CYP1A1: variants seen among roughly 807,000 people sequenced by gnomAD.
CYP1A1 encodes cytochrome P450 family 1 subfamily A member 1.
A neutral mutation model predicts 33.6 loss-of-function variants in CYP1A1; 43 were observed. That is an observed-to-expected ratio of 1.28 (90% confidence interval 1.00 to 1.65). CYP1A1 has a LOEUF of 1.65. CYP1A1 is among the 40% of genes most tolerant of loss of function. The pLI, the probability that CYP1A1 is intolerant of heterozygous loss-of-function variation, is 0.00. For synonymous variants in CYP1A1, 280 were observed against 257.8 expected (o/e 1.09, Z -0.83); for missense variants, 637 against 653.7 (o/e 0.97, Z 0.28).
At position 74,720,614 on chromosome 15, in the gene CYP1A1, C is replaced by CAA. The variant is rs759921335; in HGVS notation, c.1413_1414insTT (p.Ala472LeufsTer16). ...AATTCCACCCGTTGCAGCAGGATAG[C>CAA]CAGGAAGAGAAAGACCTCCCAGCGG... On this transcript the variant is annotated frameshift_variant, in exon 7 of 7. Transcript: ENST00000379727. LOFTEE classifies it high-confidence loss of function. 1.9e-6 allele frequency: 3 copies of CAA among 1,614,134 alleles called. No homozygotes were observed. The highest frequency in any genetic ancestry group is 1.6e-4 in the Middle Eastern group (1 of 6,062).
Position 74,720,705 on chromosome 15 carries a change from C to CT in CYP1A1, c.1322dup (p.Val442GlyfsTer4). On this transcript the variant is annotated frameshift_variant, in exon 7 of 7. Coordinates refer to ENST00000379727, the MANE Select transcript of CYP1A1 (RefSeq NM_001319217.2). LOFTEE classifies it high-confidence loss of function. ...AGATAATCACCTTCTCACTTAACAC[C>CT]TTGTCGATAGCACCATCAGGGGTGA... The CT allele has an allele frequency of 6.2e-7, 1 of 1,614,170 alleles. No homozygotes were observed. The highest frequency in any genetic ancestry group is 8.5e-7 in the Non-Finnish European group (1 of 1,180,024).
rs769584428 is a variant in CYP1A1, at chr15:74,720,958, T to C, written c.1253+9A>G. 6.2e-7 allele frequency: 1 copy of C among 1,613,876 alleles called. No homozygotes were observed. Among genetic ancestry groups the C allele is most frequent in the Non-Finnish European group, 8.5e-7 (1 of 1,179,770 alleles). ...GGACCCAGCCTTTCCTCTGCATCTCTGAACTTACTGGTCATGGTTGATCTG... is the reference window on the plus strand; with the variant it reads ...GGACCCAGCCTTTCCTCTGCATCTCCGAACTTACTGGTCATGGTTGATCTG... On this transcript the variant is annotated intron_variant, in intron 6 of 6. Transcript: ENST00000379727.
rs954144392 is a variant in CYP1A1, at chr15:74,721,402, G to C, written c.1042+12C>G. ...CCTGGCACTGACCCCTTTGAAGGGA[G>C]CCACTACCTACCTAGCTCCTCTTGG... On this transcript the variant is annotated intron_variant, in intron 4 of 6. Transcript: ENST00000379727. 6.2e-7 allele frequency: 1 copy of C among 1,614,070 alleles called. No homozygotes were observed. The highest frequency in any genetic ancestry group is 8.5e-7 in the Non-Finnish European group (1 of 1,180,028).
At position 74,722,655 on chromosome 15, in the gene CYP1A1, G is replaced by A. The variant is rs749960160; in HGVS notation, c.443C>T (p.Ala148Val). Residue 148 changes from alanine to valine, a missense_variant, in exon 2 of 7, where the codon GCC becomes GTC. Physicochemically the swap from Ala to Val is moderately conservative, Grantham distance 64. Transcript: ENST00000379727. Reference sequence around the variant, plus strand: ...GGAGGTTGAGGAGGCTGGGTCAGAGGCAATGGAGAAACTTTTCAGGCCATT... The same window carrying A: ...GGAGGTTGAGGAGGCTGGGTCAGAGACAATGGAGAAACTTTTCAGGCCATT... ...AQNGLKSFSIASDPASSTSCY... is the reference protein window; with the variant it reads ...AQNGLKSFSIVSDPASSTSCY... The A allele has an allele frequency of 4.3e-6, 7 of 1,613,830 alleles. No homozygotes were observed. Among genetic ancestry groups the A allele is most frequent in the Non-Finnish European group, 5.9e-6 (7 of 1,180,038 alleles).
At chr15:74,725,141 C>A (rs888288896) in intron 1 of CYP1A1, 3 of 152,726 alleles carry the variant, frequency 2.0e-5, no homozygotes, top group African/African-American at 7.2e-5. Context: ...GGGGAAGCCC[C>A]AGGGTAGGCA....
intron 2 of CYP1A1, 27 bp from the exon 3 acceptor site, chr15:74,721,744 G>A: frequency 6.2e-7 from 1 of 1,610,560 alleles, no homozygotes; most frequent in Non-Finnish European, 8.5e-7. Context: ...CCACAGGTGA[G>A]CAAGATCTCA....
In CYP1A1 at chr15:74,722,799, C is replaced by A. The variant is rs764534349; in HGVS notation, c.299G>T (p.Gly100Val). Reference protein sequence around the residue: ...DTIRQALVRQGDDFKGRPDLY... With the variant: ...DTIRQALVRQVDDFKGRPDLY... The stretch of plus-strand genomic sequence containing the variant: ...GTCGGGCCGGCCCTTGAAATCATCG[C>A]CCTGCCGCACCAGGGCCTGCCGGAT... The change falls in exon 2 of 7, where the codon GGC (glycine) becomes GTC (valine). Residue 100 changes from glycine to valine, a missense_variant. Coordinates refer to ENST00000379727, the MANE Select transcript of CYP1A1 (RefSeq NM_001319217.2). The A allele has an allele frequency of 1.3e-6, 2 of 1,561,966 alleles. No individual in the cohort carries two copies. The highest frequency in any genetic ancestry group is 1.7e-6 in the Non-Finnish European group (2 of 1,153,276).
rs758445411 is a variant in CYP1A1 at position 74,720,709 on chromosome 15, T to A, written c.1319A>T (p.Asp440Val). ...ERFLTPDGAI[D>V]KVLSEKVIIF... is the part of the protein sequence containing the mutation. ...AATCACCTTCTCACTTAACACCTTG[T>A]CGATAGCACCATCAGGGGTGAGAAA... The change falls in exon 7 of 7, where the codon GAC (aspartate) becomes GTC (valine). Residue 440 changes from aspartate to valine, a missense_variant. Physicochemically the swap from Asp to Val is radical, Grantham distance 152. Coordinates refer to ENST00000379727, the MANE Select transcript of CYP1A1 (RefSeq NM_001319217.2). The A allele has an allele frequency of 1.3e-5, 21 of 1,614,004 alleles. No homozygotes were observed. The highest frequency in any genetic ancestry group is 1.6e-4 in the Middle Eastern group (1 of 6,084).
rs777246027 is a variant in CYP1A1 at position 74,720,469 on chromosome 15, G to T, written c.*20C>A. The T allele has an allele frequency of 1.9e-6, 3 of 1,540,112 alleles. No homozygotes were observed. Among genetic ancestry groups the T allele is most frequent in the Non-Finnish European group, 2.6e-6 (3 of 1,144,858 alleles). ...ACCAGACCAGGTAGACAGAGTCTAG[G>T]CCTCAGGGCTCTCAAGCACCTAAGA... On this transcript the variant is annotated 3_prime_UTR_variant, in exon 7 of 7. Coordinates refer to ENST00000379727, the MANE Select transcript of CYP1A1 (RefSeq NM_001319217.2).
chr15:74,723,119 G>A lies in CYP1A1; in HGVS notation c.-22C>T. 1.3e-6 allele frequency: 2 copies of A among 1,515,130 alleles called. No individual in the cohort carries two copies. The highest frequency in any genetic ancestry group is 1.8e-6 in the Non-Finnish European group (2 of 1,129,048). 93.9% of individuals were successfully genotyped at this position (1,515,130 alleles called of 1,614,324 possible). ...GCATGATCAGTGTAGGGATCTTGGA[G>A]GTGGCTGCTGAGAGAAGGTGCAGGA... On this transcript the variant is annotated 5_prime_UTR_variant, in exon 2 of 7. Transcript: ENST00000379727.
Position 74,721,702 on chromosome 15 carries a change from T to C in CYP1A1, c.841A>G (p.Ile281Val), listed in dbSNP as rs750037230. Residue 281 changes from isoleucine to valine, a missense_variant, in exon 3 of 7, where the codon ATC becomes GTC. Ile to Val is a conservative substitution (Grantham distance 29). Transcript: ENST00000379727. ...KTFEKGHIRD[I>V]TDSLIEHCQE... ...CAGTGCTCAATCAGGCTGTCTGTGA[T>C]GTCCCGGATGTGGCCCTTAGGTAGG... is the stretch of plus-strand genomic sequence containing the variant. 108 of 1,613,960 alleles carry C rather than the reference T, an allele frequency of 6.7e-5. No homozygotes were observed. The highest frequency in any genetic ancestry group is 8.1e-5 in the Non-Finnish European group (96 of 1,180,006).
chr15:74,722,482 G>A lies in CYP1A1; in HGVS notation c.616C>T (p.Arg206Cys), dbSNP rs200600221. The A allele has an allele frequency of 3.9e-5, 63 of 1,613,886 alleles. No homozygotes were observed. Among genetic ancestry groups the A allele is most frequent in the Middle Eastern group, 1.6e-4 (1 of 6,082 alleles). The change falls in exon 2 of 7, where the codon CGC becomes TGC. Residue 206 changes from arginine to cysteine, a missense_variant. Transcript: ENST00000379727. The part of the protein sequence containing the change: ...NVICAICFGR[R>C]YDHNHQELLS... Reference sequence around the variant, plus strand: ...AGTTCTTGGTGGTTGTGGTCATAGCGCCGGCCAAAGCAAATGGCACAGATG... The same window carrying A: ...AGTTCTTGGTGGTTGTGGTCATAGCACCGGCCAAAGCAAATGGCACAGATG...
In CYP1A1 at chr15:74,720,393, T is replaced by C. The variant is rs975404776; in HGVS notation, c.*96A>G. ...TGCAGCCAGATCAGTGTCTATGAGT[T>C]TCAGGCTGAACCTTAGACCACATAG... On this transcript the variant is annotated 3_prime_UTR_variant, in exon 7 of 7. Transcript: ENST00000379727. 2.1e-5 allele frequency: 29 copies of C among 1,368,124 alleles called. No individual in the cohort carries two copies. The highest frequency in any genetic ancestry group is 2.6e-5 in the Non-Finnish European group (26 of 1,011,834). The allele number at this position is 1,368,124 out of a possible 1,614,324, so 84.7% of individuals were successfully genotyped here.
Position 74,723,110 on chromosome 15 carries a change from G to T in CYP1A1, c.-13C>A. The stretch of plus-strand genomic sequence containing the variant: ...TTGGGAAAAGCATGATCAGTGTAGG[G>T]ATCTTGGAGGTGGCTGCTGAGAGAA... On this transcript the variant is annotated 5_prime_UTR_variant, in exon 2 of 7. Transcript: ENST00000379727. 1 of 1,529,848 alleles carries T rather than the reference G, an allele frequency of 6.5e-7. No individual in the cohort carries two copies. Among genetic ancestry groups the T allele is most frequent in the Non-Finnish European group, 8.8e-7 (1 of 1,137,796 alleles). The allele number at this position is 1,529,848 out of a possible 1,614,324, so 94.8% of individuals were successfully genotyped here.
chr15:74,723,640 C>G (rs1335388882), intron 1 of CYP1A1, among the ~76,000 whole-genome samples: 1 of 152,144 alleles, frequency 6.6e-6, no homozygotes, highest in Non-Finnish European at 1.5e-5. Flanking sequence ...AAAATAAACA[C>G]ATAATCAAGG....
In CYP1A1 at chr15:74,721,711, T is replaced by C; in HGVS notation, c.832A>G (p.Ile278Val). ...ATCAGGCTGTCTGTGATGTCCCGGATGTGGCCCTTAGGTAGGGAAAGTCCA... is the reference window on the plus strand; with the variant it reads ...ATCAGGCTGTCTGTGATGTCCCGGACGTGGCCCTTAGGTAGGGAAAGTCCA... ...EHYKTFEKGH[I>V]RDITDSLIEH... The change falls in exon 3 of 7, where the codon ATC (isoleucine) becomes GTC (valine). Residue 278 changes from isoleucine (I) to valine (V), a missense_variant. By Grantham distance (29) the Ile-to-Val change is conservative (BLOSUM62 3). Coordinates refer to ENST00000379727, the MANE Select transcript of CYP1A1 (RefSeq NM_001319217.2). The C allele has an allele frequency of 6.2e-7, 1 of 1,614,052 alleles. No homozygotes were observed. Among genetic ancestry groups the C allele is most frequent in the South Asian group, 1.1e-5 (1 of 91,068 alleles).
chr15:74,721,788 C>T, intron 2 of CYP1A1, 71 bp from the exon 3 acceptor site: 2 of 1,564,270 alleles, frequency 1.3e-6, no homozygotes, highest in South Asian at 2.4e-5. Context: ...AGGTCTGGTC[C>T]TTCACTATTC....
Position 74,721,652 on chromosome 15 carries a change from G to T in CYP1A1, c.891C>A (p.Asn297Lys). Residue 297 changes from asparagine (N) to lysine (K), a missense_variant, in exon 3 of 7, where the codon AAC becomes AAA. Transcript: ENST00000379727. ...TCTCATCTGACAGCTGGACATTGGCGTTCTCATCCAGCTGCTTCTCCTGAC... is the reference window on the plus strand; with the variant it reads ...TCTCATCTGACAGCTGGACATTGGCTTTCTCATCCAGCTGCTTCTCCTGAC... ...EHCQEKQLDE[N>K]ANVQLSDEKI... is the part of the protein sequence containing the mutation. 1 of 1,614,072 alleles carries T rather than the reference G, an allele frequency of 6.2e-7. No individual in the cohort carries two copies. Among genetic ancestry groups the T allele is most frequent in the Non-Finnish European group, 8.5e-7 (1 of 1,180,024 alleles).
chr15:74,722,232 A>C (rs1436671265), intron 2 of CYP1A1, 41 bp downstream of exon 2: 3 of 1,550,046 alleles, frequency 1.9e-6, no homozygotes, highest in Admixed American at 1.7e-5. Context: ...CCCTGATGCC[A>C]TCTGCTTCCC....
Sources: gnomAD v4.1 joint callset for allele counts (sites outside exome capture counted in the v4.1 genomes callset) on GRCh38, gnomAD v4.1.1 for gene constraint, MANE v1.5 for transcripts, NCBI Gene and HGNC (gene_info 2026-07-23, HGNC 2026-07-21) for gene names.